KIF7: variants seen among roughly 807,000 people sequenced by gnomAD.
KIF7 encodes kinesin family member 7.
In KIF7, 104 loss-of-function variants were observed where a neutral mutation model predicts 135.7. That is an observed-to-expected ratio of 0.77 (90% confidence interval 0.65 to 0.90). The LOEUF (loss-of-function observed/expected upper bound fraction) is 0.90. KIF7 is among the 40% of genes least tolerant of loss of function. The probability of loss-of-function intolerance (pLI) is 0.00; values close to 1 mark genes in which losing one functional copy is unlikely to be tolerated. For missense variants in KIF7, 2,005 were observed against 1,839.1 expected (o/e 1.09, Z -1.65); for synonymous variants, 883 against 809.4 (o/e 1.09, Z -1.54).
chr15:89,656,461 G>T (rs1286211678), upstream of KIF7, among the ~76,000 whole-genome samples: 1 of 151,854 alleles, frequency 6.6e-6, no homozygotes, highest in Non-Finnish European at 1.5e-5. Context: ...ACTCCAAGCT[G>T]ATTTCCTTCC....
intron 8 of KIF7, 21 bp from the exon 9 acceptor site, chr15:89,645,472 G>C (rs1235489469): frequency 1.3e-6 from 2 of 1,574,950 alleles, no homozygotes; most frequent in African/African-American, 1.4e-5. Context: ...GAAGCAGGAG[G>C]CCATGCTCCT....
upstream of KIF7, chr15:89,655,594 C>G (rs960626453): frequency 6.6e-6 from 1 of 152,100 alleles, no homozygotes; most frequent in African/African-American, 2.4e-5. Flanking sequence ...ACAGGGCGGG[C>G]GGGGCCCGTG....
intron 11 of KIF7, among the ~76,000 whole-genome samples, chr15:89,641,973 T>C (rs1273212096): frequency 6.6e-6 from 1 of 152,022 alleles, no homozygotes; most frequent in Non-Finnish European, 1.5e-5. Context: ...CTTCACCCTC[T>C]CGTTGCTCTC....
chr15:89,641,753 A>G (rs1287052767), intron 11 of KIF7, among the ~76,000 whole-genome samples: 1 of 152,172 alleles, frequency 6.6e-6, no homozygotes, highest in African/African-American at 2.4e-5. Context: ...GTGAGCCAGG[A>G]TGGTGGCACT....
In KIF7 at chr15:89,642,235, T is replaced by C; in HGVS notation, c.2362A>G (p.Arg788Gly). The C allele has an allele frequency of 6.2e-7, 1 of 1,610,568 alleles. No homozygotes were observed. The highest frequency in any genetic ancestry group is 8.5e-7 in the Non-Finnish European group (1 of 1,179,686). The change falls in exon 11 of 19, where the codon AGG (arginine) becomes GGG (glycine). Residue 788 changes from arginine (R) to glycine (G), a missense_variant. By Grantham distance (125) the Arg-to-Gly change is moderately radical. Transcript: ENST00000394412. Reference protein sequence around the residue: ...GERSRLQEFRRRVAAAQSQVQ... With the variant: ...GERSRLQEFRGRVAAAQSQVQ... ...TGGCTCTGGGCCGCAGCGACCCTCC[T>C]GCGGAACTCCTGGAGCCGAGACCGC...
chr15:89,646,670 G>A (rs1303337353), intron 7 of KIF7, among the ~76,000 whole-genome samples, 160 bp downstream of exon 7: 1 of 152,278 alleles, frequency 6.6e-6, no homozygotes, highest in Middle Eastern at 3.4e-3. Flanking sequence ...TTCAAATCTT[G>A]GCTCTTCCTC....
chr15:89,655,745 C>G (rs953143007), upstream of KIF7, among the ~76,000 whole-genome samples: 3 of 152,246 alleles, frequency 2.0e-5, no homozygotes, highest in African/African-American at 4.8e-5. Flanking sequence ...GTTTTCCACT[C>G]CCAGTCCCAA....
rs769244943 is a variant in KIF7 at position 89,645,017 on chromosome 15, G to A, written c.2187C>T (p.Arg729=). The A allele has an allele frequency of 4.4e-6, 7 of 1,608,042 alleles. No homozygotes were observed. The South Asian group carries it at 6.6e-5, about 15-fold the overall frequency. ...CACCTGATGCCCACGCCTCACCTGT[G>A]CGGACCAGCTCGCCAATAAGCTCCT... ...MKEELIGELV[R]TGKAAQALNR... is the part of the protein sequence containing the mutation. Residue 729 remains arginine (R), a synonymous_variant, in exon 10 of 19, where the codon CGC becomes CGT. Transcript: ENST00000394412.
At chr15:89,640,515 A>T (rs965160843) in intron 11 of KIF7, among the ~76,000 whole-genome samples, 2 of 152,166 alleles carry the variant, frequency 1.3e-5, no homozygotes, top group African/African-American at 4.8e-5. Flanking sequence ...AAGTGGTAGA[A>T]CTGGGATTCA....
rs201280491 is a variant in KIF7 at position 89,645,029 on chromosome 15, G to C, written c.2175C>G (p.Gly725=). ...ACGCCTCACCTGTGCGGACCAGCTC[G>C]CCAATAAGCTCCTCCTTCATGCGGA... ...INIRMKEELI[G]ELVRTGKAAQ... Residue 725 remains glycine (G), a synonymous_variant, in exon 10 of 19, where the codon GGC becomes GGG. Coordinates refer to ENST00000394412, the MANE Select transcript of KIF7 (RefSeq NM_198525.3). 1 of 1,608,044 alleles carries C rather than the reference G, an allele frequency of 6.2e-7. No homozygotes were observed. Among genetic ancestry groups the C allele is most frequent in the Middle Eastern group, 1.7e-4 (1 of 6,060 alleles).
intron 11 of KIF7, among the ~76,000 whole-genome samples, chr15:89,640,516 C>A (rs976499204): frequency 3.3e-5 from 5 of 152,076 alleles, no homozygotes; most frequent in African/African-American, 4.8e-5. Flanking sequence ...AGTGGTAGAA[C>A]TGGGATTCAA....
chr15:89,647,520 C>T (rs1964036609), intron 6 of KIF7, 76 bp downstream of exon 6: 4 of 1,317,526 alleles, frequency 3.0e-6, no homozygotes, highest in Admixed American at 3.4e-5. Flanking sequence ...TCCCTCCCAT[C>T]CTGAGAAACT....
intron 12 of KIF7, 63 bp from the exon 13 acceptor site, chr15:89,633,329 C>T: frequency 1.3e-6 from 2 of 1,534,822 alleles, no homozygotes; most frequent in Non-Finnish European, 1.7e-6. Context: ...GAGCCTGCCA[C>T]CGATCCCAAA....
chr15:89,627,353 G>A, downstream of KIF7: 1 of 424,110 alleles, frequency 2.4e-6, no homozygotes, highest in South Asian at 4.5e-5. Flanking sequence ...CCCAGACAAG[G>A]AATCCCATTC....
At chr15:89,632,576 T>C (rs934728837) in intron 14 of KIF7, among the ~76,000 whole-genome samples, 2 of 152,154 alleles carry the variant, frequency 1.3e-5, no homozygotes, top group Non-Finnish European at 2.9e-5. Flanking sequence ...TAGAACCCAG[T>C]AGGACAGAGC....
chr15:89,632,098 C>T (rs1963692111), intron 14 of KIF7, among the ~76,000 whole-genome samples: 1 of 152,266 alleles, frequency 6.6e-6, no homozygotes. Flanking sequence ...GAGGGCTCTC[C>T]TGGCGGAGGG....
At chr15:89,630,559 A>G (rs1036922746) in intron 15 of KIF7, 66 bp from the exon 16 acceptor site, 26 of 1,345,290 alleles carry the variant, frequency 1.9e-5, no homozygotes, top group Non-Finnish European at 2.5e-5. Context: ...CTGGGCAGAC[A>G]TGCAACAGCC....
chr15:89,644,943 T>C, intron 10 of KIF7, 70 bp downstream of exon 10: 2 of 1,588,232 alleles, frequency 1.3e-6, no homozygotes, highest in Non-Finnish European at 1.7e-6. Context: ...GAAATCCCTC[T>C]AGAACAGTGC....
At chr15:89,629,195 GGGCTGTGGGCTGGGTGGGGGC>G in intron 17 of KIF7, 73 bp from the exon 18 acceptor site, 5 of 262,580 alleles carry the variant, frequency 1.9e-5, no homozygotes, top group Non-Finnish European at 3.1e-5. Context: ...GTGGGGGTGG[GGGCTGTGGGCTGGGTGGGGGC>G]CGGGGTTGTG....
Sources: gnomAD v4.1 joint callset for allele counts (sites outside exome capture counted in the v4.1 genomes callset) on GRCh38, gnomAD v4.1.1 for gene constraint, MANE v1.5 for transcripts, NCBI Gene and HGNC (gene_info 2026-07-23, HGNC 2026-07-21) for gene names.